Variants in HMCN1 observed in about 807,000 individuals in gnomAD.
The protein encoded by HMCN1 is hemicentin-1.
In HMCN1, 321 loss-of-function variants were observed where a neutral mutation model predicts 625.9. The observed-to-expected ratio is 0.51, with a 90% CI of 0.47 to 0.56. HMCN1 has a LOEUF of 0.56. HMCN1 is among the 20% of genes least tolerant of loss of function. The pLI, the probability that HMCN1 is intolerant of heterozygous loss-of-function variation, is 0.00. For synonymous variants in HMCN1, 2,425 were observed against 2,417.6 expected (o/e 1.00, Z -0.09); for missense variants, 6,588 against 6,887.3 (o/e 0.96, Z 1.54).
intron 11 of HMCN1, among the ~76,000 whole-genome samples, chr1:185,960,741 G>A (rs938362220): frequency 2.0e-5 from 3 of 152,192 alleles, no homozygotes; most frequent in African/African-American, 7.2e-5. Context: ...AATCTTTGCA[G>A]CAATTCCATG....
In HMCN1 at chr1:186,114,861, A is replaced by G. The variant is rs766928605; in HGVS notation, c.11319A>G (p.Ala3773=). 1.2e-6 allele frequency: 2 copies of G among 1,614,130 alleles called. No individual in the cohort carries two copies. Among genetic ancestry groups the G allele is most frequent in the Admixed American group, 1.7e-5 (1 of 60,022 alleles). ...ATGGATTCCTTCATATTCAATCAGCACATGTCACTGACACTGGACGGTATT... is the reference window on the plus strand; with the variant it reads ...ATGGATTCCTTCATATTCAATCAGCGCATGTCACTGACACTGGACGGTATT... The part of the protein sequence containing the change: ...LENGFLHIQS[A]HVTDTGRYLC... The change falls in exon 74 of 107, where the codon GCA becomes GCG. Residue 3773 remains alanine, a synonymous_variant. Transcript: ENST00000271588.
chr1:186,171,575 A>T, intron 101 of HMCN1, 125 bp downstream of exon 101: 3 of 756,310 alleles, frequency 4.0e-6, no homozygotes, highest in Non-Finnish European at 6.8e-6. Flanking sequence ...TGCAGCATGT[A>T]TGCAATCCAT....
chr1:185,874,430 T>C (rs1374378717), intron 4 of HMCN1, among the ~76,000 whole-genome samples: 3 of 152,026 alleles, frequency 2.0e-5, no homozygotes, highest in Non-Finnish European at 4.4e-5. Flanking sequence ...TGGCCCAGGA[T>C]AAATAAATGG....
chr1:185,992,902 A>T (rs1652527701), intron 22 of HMCN1, among the ~76,000 whole-genome samples: 1 of 152,174 alleles, frequency 6.6e-6, no homozygotes, highest in East Asian at 1.9e-4. Context: ...TAACTCAAAT[A>T]TACATTTGCT....
chr1:186,087,986 G>A lies in HMCN1; in HGVS notation c.9418G>A (p.Asp3140Asn). 1 of 1,613,200 alleles carries A rather than the reference G, an allele frequency of 6.2e-7. No homozygotes were observed. Among genetic ancestry groups the A allele is most frequent in the Non-Finnish European group, 8.5e-7 (1 of 1,179,436 alleles). The change falls in exon 61 of 107, where the codon GAT becomes AAT. Residue 3140 changes from aspartate to asparagine, a missense_variant. Asp to Asn is a conservative substitution (Grantham distance 23). Around this residue, in one of 3 missense-constraint regions of HMCN1, gnomAD observed 4,628 missense variants for 4,853.1 expected, o/e 0.95. Coordinates refer to ENST00000271588, the MANE Select transcript of HMCN1 (RefSeq NM_031935.3). ...AGCTATAAATGTAGCAGGACGGGAT[G>A]ATAAAAATTTCCACCTCAATGTATA... ...CRAINVAGRD[D>N]KNFHLNVYVP...
At chr1:186,160,546 T>C (rs1483029156) in intron 97 of HMCN1, among the ~76,000 whole-genome samples, 1 of 151,938 alleles carries the variant, frequency 6.6e-6, no homozygotes, top group Non-Finnish European at 1.5e-5. Context: ...CTGCTTTCTC[T>C]TGTGGGCATT....
At chr1:185,981,860 T>C (rs554198801) in intron 17 of HMCN1, among the ~76,000 whole-genome samples, 53 of 152,276 alleles carry the variant, frequency 3.5e-4, no homozygotes, top group African/African-American at 1.2e-3. Context: ...ATTGATCCCA[T>C]TTCTTCCAGT....
chr1:185,951,813 G>T (rs900012888), intron 11 of HMCN1, among the ~76,000 whole-genome samples: 13 of 151,834 alleles, frequency 8.6e-5, no homozygotes, highest in East Asian at 1.9e-4. Context: ...CTGCGGTTCA[G>T]GCATTTGGAA....
chr1:186,140,351 A>C (rs1649876288), intron 89 of HMCN1, among the ~76,000 whole-genome samples: 1 of 152,116 alleles, frequency 6.6e-6, no homozygotes, highest in African/African-American at 2.4e-5. Flanking sequence ...GATATTTTTT[A>C]ATATACAGGC....
At chr1:185,816,263 C>A (rs1033222543) in intron 1 of HMCN1, among the ~76,000 whole-genome samples, 1 of 152,134 alleles carries the variant, frequency 6.6e-6, no homozygotes, top group Admixed American at 6.6e-5. Flanking sequence ...TGTAAAATGG[C>A]CAGTGATATC....
intron 11 of HMCN1, among the ~76,000 whole-genome samples, chr1:185,945,200 T>C (rs1668274379): frequency 6.6e-6 from 1 of 152,222 alleles, no homozygotes; most frequent in Non-Finnish European, 1.5e-5. Context: ...ATTTGGTTAA[T>C]GAGAATGCAA....
chr1:185,774,829 T>G (rs1257768465), intron 1 of HMCN1, among the ~76,000 whole-genome samples: 1 of 152,102 alleles, frequency 6.6e-6, no homozygotes, highest in Non-Finnish European at 1.5e-5. Context: ...AAACTTAGGG[T>G]ATTGAAGAAA....
chr1:185,830,072 T>C (rs1277502100), intron 1 of HMCN1, among the ~76,000 whole-genome samples: 2 of 152,228 alleles, frequency 1.3e-5, no homozygotes, highest in East Asian at 3.8e-4. Flanking sequence ...TTCATATCCT[T>C]TGCCCACTTT....
At chr1:185,905,452 T>G (rs1453932643) in intron 4 of HMCN1, among the ~76,000 whole-genome samples, 2 of 151,768 alleles carry the variant, frequency 1.3e-5, no homozygotes, top group Non-Finnish European at 2.9e-5. Context: ...AAGGCATAAT[T>G]GCAAACTGTA....
At chr1:186,004,168 C>T (rs1453594604) in intron 29 of HMCN1, among the ~76,000 whole-genome samples, 1 of 152,106 alleles carries the variant, frequency 6.6e-6, no homozygotes, top group Non-Finnish European at 1.5e-5. Flanking sequence ...TTACATTGAA[C>T]TGTCTTATTA....
intron 6 of HMCN1, among the ~76,000 whole-genome samples, chr1:185,922,074 C>G (rs1667030919): frequency 6.6e-6 from 1 of 152,044 alleles, no homozygotes; most frequent in Non-Finnish European, 1.5e-5. Context: ...AGATCCATAC[C>G]CTCATGGAGC....
At chr1:185,760,848 A>G (rs968466675) in intron 1 of HMCN1, among the ~76,000 whole-genome samples, 11 of 152,142 alleles carry the variant, frequency 7.2e-5, no homozygotes, top group East Asian at 3.9e-4. Context: ...AAGTATTACT[A>G]TTATCATTTA....
intron 1 of HMCN1, among the ~76,000 whole-genome samples, chr1:185,742,056 A>G (rs1182958839): frequency 6.6e-6 from 1 of 152,236 alleles, no homozygotes; most frequent in African/African-American, 2.4e-5. Flanking sequence ...CGATTCAACA[A>G]GTATTTTATG....
At chr1:185,993,420 GAA>G in intron 23 of HMCN1, 111 bp downstream of exon 23, 1 of 1,227,726 alleles carries the variant, frequency 8.1e-7, no homozygotes, top group Non-Finnish European at 1.1e-6. Flanking sequence ...AGTGATTAAA[GAA>G]AAAAATTCTC....
Sources: allele counts gnomAD v4.1 joint callset (sites outside exome capture counted in the v4.1 genomes callset), GRCh38; gene constraint gnomAD v4.1.1; regional missense constraint gnomAD v4.1.1; transcripts MANE v1.5; gene names NCBI Gene and HGNC (gene_info 2026-07-23, HGNC 2026-07-21).